Variants in PLD1 observed in about 807,000 individuals in gnomAD.
PLD1 encodes phospholipase D1.
PLD1 carries 112 observed loss-of-function variants against 137.1 expected under a neutral mutation model. The observed-to-expected ratio is 0.82, with a 90% CI of 0.70 to 0.96. The LOEUF (loss-of-function observed/expected upper bound fraction) is 0.96, where lower values mean the gene tolerates loss of function less well. Ranked by LOEUF, PLD1 falls within the 40% of genes least tolerant of loss-of-function variation. The pLI is 0.00. For missense variants in PLD1, 1,321 were observed against 1,342.0 expected, an observed-to-expected ratio of 0.98 and a Z score of 0.24; for synonymous variants, 431 against 454.7, an observed-to-expected ratio of 0.95 and a Z score of 0.66.
At chr3:171,658,376 T>C (rs1196202203) in intron 21 of PLD1, among the ~76,000 whole-genome samples, 1 of 152,174 alleles carries the variant, frequency 6.6e-6, no homozygotes, top group Non-Finnish European at 1.5e-5. Flanking sequence ...GCATTATTTA[T>C]AATAGGCAAA....
chr3:171,728,808 G>A (rs1259978946), intron 6 of PLD1, among the ~76,000 whole-genome samples: 1 of 152,106 alleles, frequency 6.6e-6, no homozygotes, highest in Non-Finnish European at 1.5e-5. Flanking sequence ...TCTCAGCTAA[G>A]TAGACACATT....
At chr3:171,777,303 A>G (rs1314521760) in intron 1 of PLD1, among the ~76,000 whole-genome samples, 1 of 152,174 alleles carries the variant, frequency 6.6e-6, no homozygotes, top group Non-Finnish European at 1.5e-5. Context: ...GGAACCGGAG[A>G]GCTGGTCTTC....
chr3:171,801,774 C>T (rs4373091), intron 1 of PLD1, among the ~76,000 whole-genome samples: 77,173 of 152,006 alleles, frequency 0.51, 19,886 homozygotes, highest in Middle Eastern at 0.76. Context: ...CCCTAGTCCC[C>T]ATGACACTAC....
chr3:171,796,158 G>A (rs1364873797), intron 1 of PLD1, among the ~76,000 whole-genome samples: 3 of 152,170 alleles, frequency 2.0e-5, no homozygotes, highest in Admixed American at 2.0e-4. Flanking sequence ...TGAGTGCAGT[G>A]AAGAAGACGA....
intron 1 of PLD1, chr3:171,809,283 A>G (rs997365446): frequency 6.6e-6 from 1 of 152,244 alleles, no homozygotes; most frequent in East Asian, 1.9e-4. Context: ...TGTGTCACAA[A>G]ACATTTAATA....
intron 16 of PLD1, among the ~76,000 whole-genome samples, chr3:171,680,292 T>C (rs966916223): frequency 8.8e-5 from 12 of 136,976 alleles, no homozygotes; most frequent in Non-Finnish European, 1.7e-4. Flanking sequence ...AGTGGCACGA[T>C]CTCGGCTCAC....
At chr3:171,685,307 G>A (rs1457802211) in intron 16 of PLD1, among the ~76,000 whole-genome samples, 1 of 152,146 alleles carries the variant, frequency 6.6e-6, no homozygotes, top group Non-Finnish European at 1.5e-5. Context: ...ATTAGCACCT[G>A]CAAGCCACAG....
At chr3:171,796,516 C>T (rs1423885158) in intron 1 of PLD1, among the ~76,000 whole-genome samples, 11 of 152,198 alleles carry the variant, frequency 7.2e-5, no homozygotes, top group Admixed American at 2.6e-4. Flanking sequence ...GCCTGTTATA[C>T]ATAAGCCATT....
chr3:171,662,364 T>A (rs1421657161), intron 19 of PLD1, among the ~76,000 whole-genome samples, 194 bp from the exon 20 acceptor site: 1 of 152,110 alleles, frequency 6.6e-6, no homozygotes, highest in Admixed American at 6.6e-5. Context: ...GGGCAACTGG[T>A]CCTTGGATGT....
At chr3:171,650,083 G>A (rs1736597757) in intron 21 of PLD1, among the ~76,000 whole-genome samples, 1 of 152,138 alleles carries the variant, frequency 6.6e-6, no homozygotes, top group Admixed American at 6.5e-5. Context: ...CATTGCTCCC[G>A]GGGTGGCACT....
intron 21 of PLD1, among the ~76,000 whole-genome samples, chr3:171,650,476 G>A (rs1019614854): frequency 6.6e-6 from 1 of 152,166 alleles, no homozygotes; most frequent in Non-Finnish European, 1.5e-5. Context: ...CAACATCAGT[G>A]TCTGGAAGCC....
At chr3:171,648,067 T>C (rs1263910557) in intron 21 of PLD1, among the ~76,000 whole-genome samples, 2 of 152,232 alleles carry the variant, frequency 1.3e-5, no homozygotes, top group Middle Eastern at 3.2e-3. Context: ...TTTTTAAGAC[T>C]GAATAATATT....
At chr3:171,684,649 G>A (rs1366684530) in intron 16 of PLD1, among the ~76,000 whole-genome samples, 3 of 152,186 alleles carry the variant, frequency 2.0e-5, no homozygotes, top group Non-Finnish European at 4.4e-5. Context: ...AGGCTGGACT[G>A]CAGTGGCATG....
At chr3:171,807,425 T>C (rs1353399829) in intron 1 of PLD1, among the ~76,000 whole-genome samples, 1 of 152,194 alleles carries the variant, frequency 6.6e-6, no homozygotes, top group African/African-American at 2.4e-5. Context: ...GTAAGAAAGA[T>C]GAAGAGTCTT....
In PLD1 at chr3:171,626,791, C is replaced by G. The variant is rs1345794109; in HGVS notation, c.2594-6271G>C. ...AAGGAAAAATAAAATACTTTACAGA[C>G]AAGCAAATGCTGAGACATTTTGTCA... On this transcript the variant is annotated intron_variant, in intron 23 of 26. Coordinates refer to ENST00000351298, the MANE Select transcript of PLD1 (RefSeq NM_002662.5). 2.0e-5 allele frequency among the ~76,000 whole-genome samples: 3 copies of G among 152,154 alleles called. 1 individual carries two copies. Among genetic ancestry groups the G allele is most frequent in the South Asian group, 2.1e-4 (1 of 4,836 alleles).
chr3:171,771,942 C>G (rs1722375255), intron 1 of PLD1, among the ~76,000 whole-genome samples: 1 of 152,204 alleles, frequency 6.6e-6, no homozygotes, highest in African/African-American at 2.4e-5. Flanking sequence ...AGTTTCACCA[C>G]CTACATTTAG....
At position 171,707,829 on chromosome 3, in the gene PLD1, T is replaced by A. The variant is rs560841859; in HGVS notation, c.1145+926A>T. Among the ~76,000 whole-genome samples the A allele has an allele frequency of 2.4e-4, 37 of 152,332 alleles. No individual in the cohort carries two copies. The Middle Eastern group carries it at 0.014, about 56-fold the overall frequency. ...CCCCAAATGTCAACAGGGCAAAGGT[T>A]AAGAAAGCATGCCTTATAATTATAG... On this transcript the variant is annotated intron_variant, in intron 11 of 26. Coordinates refer to ENST00000351298, the MANE Select transcript of PLD1 (RefSeq NM_002662.5).
intron 1 of PLD1, among the ~76,000 whole-genome samples, chr3:171,783,167 T>G (rs377137811): frequency 6.6e-6 from 1 of 150,826 alleles, no homozygotes; most frequent in Non-Finnish European, 1.5e-5. Flanking sequence ...CCTGGGAGAG[T>G]GAGTTTACTA....
chr3:171,743,408 T>C (rs1295869296), intron 1 of PLD1, among the ~76,000 whole-genome samples: 1 of 152,166 alleles, frequency 6.6e-6, no homozygotes, highest in Non-Finnish European at 1.5e-5. Context: ...CTACACTAAG[T>C]ATAAGAGAAA....
Sources: allele counts gnomAD v4.1 joint callset (sites outside exome capture counted in the v4.1 genomes callset), GRCh38; gene constraint gnomAD v4.1.1; transcripts MANE v1.5; gene names NCBI Gene and HGNC (gene_info 2026-07-23, HGNC 2026-07-21).